Variants in UIMC1 observed in about 807,000 individuals in gnomAD.
UIMC1 encodes the protein BRCA1-A complex subunit RAP80.
UIMC1 carries 42 observed loss-of-function variants against 84.9 expected under a neutral mutation model. That is an observed-to-expected ratio of 0.49 (90% CI 0.39 to 0.64). The LOEUF (loss-of-function observed/expected upper bound fraction) is 0.64, where lower values mean the gene tolerates loss of function less well. UIMC1 is among the 30% of genes least tolerant of loss of function. The probability of loss-of-function intolerance (pLI) is 0.00; values close to 1 mark genes in which losing one functional copy is unlikely to be tolerated. For missense variants in UIMC1, 825 were observed against 847.6 expected (o/e 0.97, Z 0.33); for synonymous variants, 281 against 293.0 (o/e 0.96, Z 0.42).
chr5:176,925,834 C>T (rs561182665), intron 10 of UIMC1, among the ~76,000 whole-genome samples: 10 of 152,182 alleles, frequency 6.6e-5, no homozygotes, highest in East Asian at 1.9e-4. Context: ...GATAGGTATA[C>T]GCATATGCCC....
intron 1 of UIMC1, among the ~76,000 whole-genome samples, chr5:176,983,494 C>T (rs1166466478): frequency 6.6e-6 from 1 of 152,164 alleles, no homozygotes; most frequent in African/African-American, 2.4e-5. Context: ...CTCGGCCTCC[C>T]GAGGTGCTGG....
chr5:177,004,472 T>C (rs1309519369), intron 1 of UIMC1, among the ~76,000 whole-genome samples: 13 of 152,170 alleles, frequency 8.5e-5, no homozygotes, highest in Admixed American at 8.5e-4. Context: ...CCTTCAAAGA[T>C]GAAGAACTCA....
At position 176,995,963 on chromosome 5, in the gene UIMC1, TATTTA is replaced by T. The variant is rs768773962; in HGVS notation, c.-9+10682_-9+10686del. Among the ~76,000 whole-genome samples, 7 of 152,136 alleles carry T rather than the reference TATTTA, an allele frequency of 4.6e-5. No individual in the cohort carries two copies. The South Asian group carries it at 1.5e-3, about 32-fold the overall frequency. On this transcript the variant is annotated intron_variant, in intron 1 of 14. Transcript: ENST00000511320. ...ATTACCCAGCCATTTCATTCCTAGGTATTTACTCAAGAGAAATAAAGACGTGAATG... is the reference window on the plus strand; with the variant it reads ...ATTACCCAGCCATTTCATTCCTAGGTCTCAAGAGAAATAAAGACGTGAATG...
chr5:176,949,723 CAGAGACCAGGG>C (rs1765599076), intron 9 of UIMC1, among the ~76,000 whole-genome samples: 1 of 152,286 alleles, frequency 6.6e-6, no homozygotes, highest in Middle Eastern at 3.4e-3. Context: ...ACCTGCAGCG[CAGAGACCAGGG>C]AGAGGATCTA....
chr5:177,017,898 C>T (rs892463257), intron 1 of UIMC1, among the ~76,000 whole-genome samples: 2 of 151,850 alleles, frequency 1.3e-5, no homozygotes, highest in African/African-American at 2.4e-5. Context: ...GCAATCCTCC[C>T]GCCTCAGCCT....
At chr5:176,946,189 T>C (rs1210962225) in intron 9 of UIMC1, among the ~76,000 whole-genome samples, 1 of 152,080 alleles carries the variant, frequency 6.6e-6, no homozygotes, top group African/African-American at 2.4e-5. Context: ...CTATCTTGTG[T>C]GTGTCTATTA....
intron 7 of UIMC1, among the ~76,000 whole-genome samples, chr5:176,957,819 G>A (rs776067323): frequency 3.3e-5 from 5 of 152,168 alleles, no homozygotes; most frequent in South Asian, 2.1e-4. Context: ...GGATGTGACC[G>A]CTTTTCAGAA....
Position 176,968,470 on chromosome 5 carries a change from G to A in UIMC1, c.1200+85C>T, listed in dbSNP as rs977421710. The A allele has an allele frequency of 1.4e-5, 21 of 1,504,498 alleles. No homozygotes were observed. The Admixed American group carries it at 4.0e-4, about 29-fold the overall frequency. The allele number at this position is 1,504,498 out of a possible 1,614,324, so 93.2% of individuals were successfully genotyped here. A position where few individuals can be genotyped will look rare whatever the true frequency, so the allele number is the denominator to read the frequency against. On this transcript the variant is annotated intron_variant, in intron 6 of 14. Coordinates refer to ENST00000511320, the MANE Select transcript of UIMC1 (RefSeq NM_001199298.2). ...GTATTACTTTAATAATCAAGGAGGG[G>A]AAGACCACAAAAATAACAGCTAAAA...
intron 3 of UIMC1, among the ~76,000 whole-genome samples, chr5:176,974,293 G>T (rs1035930805): frequency 2.0e-5 from 3 of 152,050 alleles, no homozygotes; most frequent in African/African-American, 7.2e-5. Context: ...TCAACACAAG[G>T]AAAGGACAGT....
At position 177,000,498 on chromosome 5, in the gene UIMC1, C is replaced by CTTTTTTTT. The variant is rs966855813; in HGVS notation, c.-9+6144_-9+6151dup. Among the ~76,000 whole-genome samples, 204 of 113,338 alleles carry CTTTTTTTT rather than the reference C, an allele frequency of 1.8e-3. 12 individuals carry two copies. Among genetic ancestry groups the CTTTTTTTT allele is most frequent in the African/African-American group, 7.9e-3 (197 of 25,072 alleles). The allele number at this position is 113,338 out of a possible 152,430, so 74.4% of individuals were successfully genotyped here. On this transcript the variant is annotated intron_variant, in intron 1 of 14. Transcript: ENST00000511320. ...ATATGCCTGTTTTCCACTTGCATGT[C>CTTTTTTTT]TTTTTTTTTTTTTTTTTTTGAGATG...
At chr5:176,918,137 C>A (rs1339095445) in intron 10 of UIMC1, among the ~76,000 whole-genome samples, 2 of 152,170 alleles carry the variant, frequency 1.3e-5, no homozygotes, top group Non-Finnish European at 2.9e-5. Flanking sequence ...TCCTATTATG[C>A]CTCAATTCTG....
chr5:176,993,207 G>A lies in UIMC1; in HGVS notation c.-8-10584C>T, dbSNP rs190431752. On this transcript the variant is annotated intron_variant, in intron 1 of 14. Transcript: ENST00000511320. Reference sequence around the variant, plus strand: ...AAAAAAAAAAAAAAAATTCTTGGCCGGGTGCAGTGGCTCATGCTGTAATCC... The same window carrying A: ...AAAAAAAAAAAAAAAATTCTTGGCCAGGTGCAGTGGCTCATGCTGTAATCC... 2.7e-3 allele frequency among the ~76,000 whole-genome samples: 405 copies of A among 150,422 alleles called. 2 individuals are homozygous for A. The highest frequency in any genetic ancestry group is 9.6e-3 in the African/African-American group (391 of 40,884).
At position 176,969,939 on chromosome 5, in the gene UIMC1, G is replaced by T. The variant is rs963606793; in HGVS notation, c.358-233C>A. 210 of 434,904 alleles carry T rather than the reference G, an allele frequency of 4.8e-4. 1 individual carries two copies. Among genetic ancestry groups the T allele is most frequent in the African/African-American group, 3.4e-3 (175 of 50,834 alleles). The allele number at this position is 434,904 out of a possible 1,614,324, so 26.9% of individuals were successfully genotyped here. A position where few individuals can be genotyped will look rare whatever the true frequency, so the allele number is the denominator to read the frequency against. ...AGGGAGGCAAATGGCATAAAAAGAT[G>T]GTTCAGGACCTGCCACTGGCAAGTA... On this transcript the variant is annotated intron_variant, in intron 4 of 14. Transcript: ENST00000511320.
At chr5:176,960,406 T>C (rs907544365) in intron 6 of UIMC1, among the ~76,000 whole-genome samples, 3 of 152,188 alleles carry the variant, frequency 2.0e-5, no homozygotes, top group Non-Finnish European at 4.4e-5. Flanking sequence ...TTCCAGAATA[T>C]GAACACAGGA....
chr5:176,952,973 T>C (rs1249223615), intron 8 of UIMC1, among the ~76,000 whole-genome samples: 2 of 152,136 alleles, frequency 1.3e-5, no homozygotes, highest in African/African-American at 2.4e-5. Flanking sequence ...CAACCCCTAA[T>C]GTGATAATAT....
chr5:176,998,840 G>A (rs1052621595), intron 1 of UIMC1, among the ~76,000 whole-genome samples: 2 of 152,006 alleles, frequency 1.3e-5, no homozygotes, highest in African/African-American at 2.4e-5. Flanking sequence ...GAATGTATAC[G>A]TATTTTTCTC....
intron 1 of UIMC1, among the ~76,000 whole-genome samples, chr5:177,018,381 T>C (rs945403670): frequency 6.7e-6 from 1 of 149,154 alleles, no homozygotes; most frequent in African/African-American, 2.5e-5. Flanking sequence ...AAAACTAGAG[T>C]TGAATCTCTT....
chr5:176,977,991 C>T (rs1406596542), intron 2 of UIMC1, among the ~76,000 whole-genome samples: 1 of 151,978 alleles, frequency 6.6e-6, no homozygotes, highest in Non-Finnish European at 1.5e-5. Context: ...ATTCCAGCTG[C>T]TTTTTTCTAT....
chr5:176,907,188 G>T lies in UIMC1; in HGVS notation c.1849-11C>A, dbSNP rs1442449117. On this transcript the variant is annotated splice_polypyrimidine_tract_variant and intron_variant, in intron 12 of 14. Transcript: ENST00000511320. ...ACTGTGGCCTTTTTCCTGTAACAGA[G>T]AAAAACAGATGAAAAGGTTACTTCA... 7.4e-6 allele frequency: 12 copies of T among 1,611,650 alleles called. No homozygotes were observed. Among genetic ancestry groups the T allele is most frequent in the Non-Finnish European group, 8.5e-6 (10 of 1,178,728 alleles).
Sources: gnomAD v4.1 joint callset for allele counts (sites outside exome capture counted in the v4.1 genomes callset) on GRCh38, gnomAD v4.1.1 for gene constraint, MANE v1.5 for transcripts, NCBI Gene and HGNC (gene_info 2026-07-23, HGNC 2026-07-21) for gene names.